The following NID1 variants were observed in gnomAD, a reference collection of about 807,000 sequenced individuals.
NID1 encodes the protein nidogen-1.
NID1 carries 76 observed loss-of-function variants against 130.6 expected under a neutral mutation model. That is an observed-to-expected ratio of 0.58 (90% CI 0.48 to 0.70). The LOEUF (loss-of-function observed/expected upper bound fraction) is 0.70. Ranked by LOEUF, NID1 falls within the 30% of genes least tolerant of loss-of-function variation. NID1 has a pLI of 0.00. For missense variants in NID1, 1,517 were observed against 1,664.8 expected (o/e 0.91, Z 1.54); for synonymous variants, 665 against 675.1 (o/e 0.98, Z 0.23).
intron 1 of NID1, among the ~76,000 whole-genome samples, chr1:236,063,053 C>T (rs1660085038): frequency 6.7e-6 from 1 of 148,720 alleles, no homozygotes; most frequent in South Asian, 2.1e-4. Flanking sequence ...ACTCAGGAGG[C>T]TGAGGCAGGA....
intron 1 of NID1, among the ~76,000 whole-genome samples, chr1:236,052,496 G>C (rs1446964631): frequency 6.6e-6 from 1 of 152,152 alleles, no homozygotes; most frequent in Non-Finnish European, 1.5e-5. Context: ...GTGGGTCCTG[G>C]TTCCTTCCTC....
chr1:236,003,910 G>A (rs534064321), intron 12 of NID1, among the ~76,000 whole-genome samples: 1 of 151,820 alleles, frequency 6.6e-6, no homozygotes, highest in Non-Finnish European at 1.5e-5. Context: ...GCACACACCT[G>A]TAATCCCAGC....
chr1:236,048,656 G>T, intron 2 of NID1, 34 bp downstream of exon 2: 1 of 1,597,940 alleles, frequency 6.3e-7, no homozygotes, highest in South Asian at 1.1e-5. Flanking sequence ...CAATGTGTCT[G>T]ATTACCTGCA....
At chr1:236,041,824 T>C in intron 4 of NID1, 86 bp downstream of exon 4, 1 of 1,490,882 alleles carries the variant, frequency 6.7e-7, no homozygotes, top group African/African-American at 1.4e-5. Flanking sequence ...CATGTAATGC[T>C]CACAACTGAC....
chr1:236,051,553 C>T (rs574003892), intron 1 of NID1, among the ~76,000 whole-genome samples: 2 of 152,322 alleles, frequency 1.3e-5, no homozygotes, highest in African/African-American at 2.4e-5. Context: ...TATTTTCCAT[C>T]ATCACCCGGC....
At chr1:236,060,390 G>A (rs1185620239) in intron 1 of NID1, among the ~76,000 whole-genome samples, 1 of 152,074 alleles carries the variant, frequency 6.6e-6, no homozygotes, top group African/African-American at 2.4e-5. Flanking sequence ...GTTTTATCAG[G>A]AAGGTCTTCA....
At position 236,017,194 on chromosome 1, in the gene NID1, G is replaced by T; in HGVS notation, c.2208C>A (p.Cys736Ter). Reference sequence around the variant, plus strand: ...AAAACTGGTAGCCCTCCACACACTCGCAGCGGAAGGTTCCTGGGTGATTAT... The same window carrying T: ...AAAACTGGTAGCCCTCCACACACTCTCAGCGGAAGGTTCCTGGGTGATTAT... ...ICNNHPGTFRCECVEGYQFSD... is the reference protein window; with the variant it reads ...ICNNHPGTFR The change falls in exon 10 of 20, where the codon TGC (cysteine) becomes TGA (stop). Residue 736 changes from cysteine (C) to a stop codon, truncating the protein, a stop_gained. Transcript: ENST00000264187. LOFTEE classifies it high-confidence loss of function. 1 of 1,614,080 alleles carries T rather than the reference G, an allele frequency of 6.2e-7. No individual in the cohort carries two copies.
intron 3 of NID1, among the ~76,000 whole-genome samples, 165 bp downstream of exon 3, chr1:236,045,292 C>T (rs947877008): frequency 2.0e-5 from 3 of 147,846 alleles, no homozygotes; most frequent in East Asian, 2.0e-4. Context: ...TCTAAAAATA[C>T]ATTTCCTTAA....
intron 13 of NID1, among the ~76,000 whole-genome samples, chr1:235,992,847 G>A (rs1234921925): frequency 6.6e-6 from 1 of 152,196 alleles, no homozygotes; most frequent in Admixed American, 6.5e-5. Flanking sequence ...TGTGAGTGGA[G>A]ATTCAAAGAT....
intron 19 of NID1, among the ~76,000 whole-genome samples, chr1:235,978,450 C>T (rs1375645972): frequency 6.6e-6 from 1 of 152,068 alleles, no homozygotes; most frequent in Non-Finnish European, 1.5e-5. Context: ...CTGGACTTGC[C>T]CCTGTGAGCT....
At chr1:236,053,473 G>C (rs940579659) in intron 1 of NID1, among the ~76,000 whole-genome samples, 1 of 152,044 alleles carries the variant, frequency 6.6e-6, no homozygotes. Context: ...CCACCACCTC[G>C]TTAGTCACAT....
rs773656119 is a variant in NID1, at chr1:235,977,907, G to C, written c.3704C>G (p.Pro1235Arg). The change falls in exon 20 of 20, where the codon CCT (proline) becomes CGT (arginine). Residue 1235 changes from proline to arginine, a missense_variant. By Grantham distance (103) the Pro-to-Arg change is moderately radical (BLOSUM62 -2). Transcript: ENST00000264187. ...ACAGTCAACTCCCAAGGTGTTGTCA[G>C]GGCAACGGCAGGTCCTGCTCCCTGG... Reference protein sequence around the residue: ...ATPGSRTCRCPDNTLGVDCIE... With the variant: ...ATPGSRTCRCRDNTLGVDCIE... 24 of 1,614,094 alleles carry C rather than the reference G, an allele frequency of 1.5e-5. No individual in the cohort carries two copies. The highest frequency in any genetic ancestry group is 1.9e-5 in the Non-Finnish European group (23 of 1,180,022).
chr1:236,039,800 G>A (rs569875292), intron 4 of NID1, among the ~76,000 whole-genome samples: 119 of 152,212 alleles, frequency 7.8e-4, no homozygotes, highest in South Asian at 4.6e-3. Flanking sequence ...GTTTGGAGCC[G>A]AGCACACTTG....
In NID1 at chr1:236,024,139, G is replaced by A. The variant is rs1658854758; in HGVS notation, c.2059C>T (p.Pro687Ser). The change falls in exon 9 of 20, where the codon CCT (proline) becomes TCT (serine). Residue 687 changes from proline (P) to serine (S), a missense_variant. Pro to Ser is a moderately conservative substitution (Grantham distance 74). Transcript: ENST00000264187. Reference sequence around the variant, plus strand: ...CAGGTGAACTGTGTCCTGGGACCAGGGCGACAGGCCGCGTTGGTGTCACAC... The same window carrying A: ...CAGGTGAACTGTGTCCTGGGACCAGAGCGACAGGCCGCGTTGGTGTCACAC... ...HGCDTNAACR[P>S]GPRTQFTCEC... The A allele has an allele frequency of 6.2e-7, 1 of 1,614,126 alleles. No individual in the cohort carries two copies. The highest frequency in any genetic ancestry group is 8.5e-7 in the Non-Finnish European group (1 of 1,180,042).
intron 8 of NID1, among the ~76,000 whole-genome samples, chr1:236,025,402 C>T (rs112117023): frequency 0.08 from 12,122 of 151,782 alleles, 1,215 homozygotes; most frequent in African/African-American, 0.24. Context: ...GCTGGGATTT[C>T]AGGCACGTGC....
rs140362440 is a variant in NID1, at chr1:236,013,556, G to C, written c.2259C>G (p.Val753=). ...QFSDEGTCVA[V]VDQRPINYCE... ...AGTAGTTGATGGGGCGCTGGTCCAC[G>C]ACAGCTTCAGAACAAAAGGTTGATG... is the stretch of plus-strand genomic sequence containing the variant. Residue 753 remains valine (V), a synonymous_variant, in exon 11 of 20, where the codon GTC becomes GTG. Coordinates refer to ENST00000264187, the MANE Select transcript of NID1 (RefSeq NM_002508.3). 5 of 1,614,000 alleles carry C rather than the reference G, an allele frequency of 3.1e-6. No homozygotes were observed. The highest frequency in any genetic ancestry group is 1.7e-5 in the Admixed American group (1 of 60,004).
chr1:236,046,217 A>C (rs1037979791), intron 2 of NID1, among the ~76,000 whole-genome samples: 2 of 152,208 alleles, frequency 1.3e-5, no homozygotes, highest in African/African-American at 4.8e-5. Context: ...CGATGTTTGC[A>C]TCTGTAAAAT....
At chr1:235,998,147 T>G (rs575904217) in intron 12 of NID1, among the ~76,000 whole-genome samples, 44 of 152,218 alleles carry the variant, frequency 2.9e-4, no homozygotes, top group Non-Finnish European at 2.4e-4. Flanking sequence ...GTGTTGCCAG[T>G]GAATATTTGA....
intron 5 of NID1, among the ~76,000 whole-genome samples, chr1:236,033,535 G>A (rs916686598): frequency 1.3e-5 from 2 of 152,142 alleles, no homozygotes; most frequent in Non-Finnish European, 2.9e-5. Context: ...CAGAGTCACC[G>A]CCCAGGCTAC....
Sources: allele counts gnomAD v4.1 joint callset (sites outside exome capture counted in the v4.1 genomes callset), GRCh38; gene constraint gnomAD v4.1.1; transcripts MANE v1.5; gene names NCBI Gene and HGNC (gene_info 2026-07-23, HGNC 2026-07-21).